Variants in ERBB4 observed in about 807,000 individuals in gnomAD.
ERBB4 encodes the protein receptor tyrosine-protein kinase erbB-4.
A neutral mutation model predicts 158.0 loss-of-function variants in ERBB4; 42 were observed. The observed-to-expected ratio is 0.27, with a 90% confidence interval of 0.21 to 0.34. The LOEUF (loss-of-function observed/expected upper bound fraction) is 0.34. ERBB4 is among the 10% of genes least tolerant of loss of function. ERBB4 has a pLI of 1.00. For synonymous variants in ERBB4, 583 were observed against 558.7 expected (o/e 1.04, Z -0.61); for missense variants, 1,333 against 1,624.1 (o/e 0.82, Z 3.08).
intron 15 of ERBB4, among the ~76,000 whole-genome samples, chr2:211,661,108 G>A (rs2071407634): frequency 1.3e-5 from 2 of 152,018 alleles, no homozygotes; most frequent in Admixed American, 6.6e-5. Flanking sequence ...AGGGGATTGT[G>A]TAGGATATTT....
At chr2:212,275,624 T>C (rs559531814) in intron 1 of ERBB4, among the ~76,000 whole-genome samples, 19 of 151,824 alleles carry the variant, frequency 1.3e-4, no homozygotes, top group African/African-American at 4.6e-4. Flanking sequence ...GACAAGCAAA[T>C]GCTGAGAGAT....
chr2:211,506,431 A>C (rs1293889784), intron 20 of ERBB4, among the ~76,000 whole-genome samples: 1 of 151,030 alleles, frequency 6.6e-6, no homozygotes, highest in African/African-American at 2.5e-5. Context: ...TTTATAAAAC[A>C]CTCTTTCCAA....
At chr2:212,197,476 C>A (rs1383791038) in intron 1 of ERBB4, among the ~76,000 whole-genome samples, 1 of 152,080 alleles carries the variant, frequency 6.6e-6, no homozygotes, top group Non-Finnish European at 1.5e-5. Flanking sequence ...ATTTTATTAT[C>A]ATTTTATATA....
chr2:212,438,260 T>G (rs571243651), intron 1 of ERBB4, among the ~76,000 whole-genome samples: 9 of 152,254 alleles, frequency 5.9e-5, no homozygotes, highest in African/African-American at 2.2e-4. Context: ...CTTTAATTAT[T>G]GCTTACTATA....
intron 4 of ERBB4, among the ~76,000 whole-genome samples, chr2:211,769,216 C>T (rs1366626657): frequency 6.6e-6 from 1 of 152,110 alleles, no homozygotes. Flanking sequence ...AAATAAATTC[C>T]TCATATCCAT....
At chr2:212,271,117 A>C (rs1162834282) in intron 1 of ERBB4, among the ~76,000 whole-genome samples, 2 of 151,802 alleles carry the variant, frequency 1.3e-5, no homozygotes, top group African/African-American at 4.8e-5. Flanking sequence ...TAATATTTGG[A>C]AACTTGTGAA....
At chr2:211,827,615 C>CA (rs998565454) in intron 3 of ERBB4, among the ~76,000 whole-genome samples, 22 of 150,694 alleles carry the variant, frequency 1.5e-4, no homozygotes, top group African/African-American at 4.6e-4. Context: ...GAAAAAATGT[C>CA]AAAAAACTTA....
intron 2 of ERBB4, among the ~76,000 whole-genome samples, chr2:211,967,256 G>A (rs1292781293): frequency 6.6e-6 from 1 of 151,960 alleles, no homozygotes; most frequent in African/African-American, 2.4e-5. Context: ...TATATTTGGG[G>A]AATATCTAAA....
At chr2:212,054,785 C>T (rs1164342491) in intron 2 of ERBB4, among the ~76,000 whole-genome samples, 1 of 152,126 alleles carries the variant, frequency 6.6e-6, no homozygotes, top group African/African-American at 2.4e-5. Flanking sequence ...GAAGTATTAC[C>T]TTAGAATAAG....
intron 1 of ERBB4, among the ~76,000 whole-genome samples, chr2:212,135,979 T>C (rs976588194): frequency 6.6e-6 from 1 of 152,178 alleles, no homozygotes; most frequent in Non-Finnish European, 1.5e-5. Flanking sequence ...AAAATGCCAG[T>C]GGGAGCTAAG....
chr2:212,209,807 G>T (rs2082875726), intron 1 of ERBB4, among the ~76,000 whole-genome samples: 1 of 152,056 alleles, frequency 6.6e-6, no homozygotes, highest in Admixed American at 6.6e-5. Context: ...CTCTTTTAGA[G>T]AAACTAAAAT....
chr2:211,652,068 T>A (rs192465216), intron 16 of ERBB4, among the ~76,000 whole-genome samples: 40 of 152,310 alleles, frequency 2.6e-4, no homozygotes, highest in Non-Finnish European at 4.9e-4. Context: ...TGTCTGAGCA[T>A]TTTGCTATCA....
intron 1 of ERBB4, among the ~76,000 whole-genome samples, chr2:212,172,388 G>A (rs142782052): frequency 1.1e-3 from 173 of 152,174 alleles, no homozygotes; most frequent in African/African-American, 3.3e-3. Context: ...CAGAAATACC[G>A]TTTGACTCAC....
chr2:211,465,678 C>T (rs55951500), intron 20 of ERBB4, among the ~76,000 whole-genome samples: 3,266 of 152,180 alleles, frequency 0.021, 48 homozygotes, highest in Middle Eastern at 0.048. Flanking sequence ...CTATCTTGAA[C>T]AAATGACAAC....
chr2:211,464,949 C>G (rs1559194927), intron 20 of ERBB4, among the ~76,000 whole-genome samples: 1 of 147,516 alleles, frequency 6.8e-6, no homozygotes, highest in Non-Finnish European at 1.5e-5. Context: ...ATAAGAGGCC[C>G]ACTGGAGCTT....
chr2:212,150,759 C>T (rs890332512), intron 1 of ERBB4, among the ~76,000 whole-genome samples: 1 of 152,164 alleles, frequency 6.6e-6, no homozygotes, highest in Non-Finnish European at 1.5e-5. Flanking sequence ...ATAAGAACTG[C>T]TTACATTCAT....
At chr2:212,279,720 G>A (rs978438772) in intron 1 of ERBB4, among the ~76,000 whole-genome samples, 1 of 151,488 alleles carries the variant, frequency 6.6e-6, no homozygotes, top group Non-Finnish European at 1.5e-5. Context: ...CTTTCAAAAA[G>A]TTGGTGAATC....
At chr2:211,640,308 C>T (rs977451553) in intron 16 of ERBB4, among the ~76,000 whole-genome samples, 4 of 152,134 alleles carry the variant, frequency 2.6e-5, no homozygotes, top group Admixed American at 1.3e-4. Flanking sequence ...AAGTGTTCAT[C>T]GGGGAGTTGG....
chr2:212,316,860 C>G (rs1200353431), intron 1 of ERBB4, among the ~76,000 whole-genome samples: 2 of 151,486 alleles, frequency 1.3e-5, no homozygotes, highest in Non-Finnish European at 3.0e-5. Flanking sequence ...TTCAATAAAA[C>G]TGTTTTAAAA....
Sources: gnomAD v4.1 joint callset for allele counts (sites outside exome capture counted in the v4.1 genomes callset) on GRCh38, gnomAD v4.1.1 for gene constraint, MANE v1.5 for transcripts, NCBI Gene and HGNC (gene_info 2026-07-23, HGNC 2026-07-21) for gene names.